The following ATF6 variants were observed in gnomAD, a reference collection of about 807,000 sequenced individuals.
The protein encoded by ATF6 is activating transcription factor 6.
A neutral mutation model predicts 83.6 loss-of-function variants in ATF6; 53 were observed. The observed-to-expected ratio is 0.63, with a 90% CI of 0.51 to 0.80. The LOEUF (loss-of-function observed/expected upper bound fraction) is 0.80, where lower values mean the gene tolerates loss of function less well. Among genes scored for constraint, ATF6 ranks in the 30% least tolerant of loss-of-function variants. The probability of loss-of-function intolerance (pLI) is 0.00; values close to 1 mark genes in which losing one functional copy is unlikely to be tolerated. For synonymous variants in ATF6, 288 were observed against 285.8 expected (o/e 1.01, Z -0.08); for missense variants, 744 against 797.9 (o/e 0.93, Z 0.81).
intron 7 of ATF6, among the ~76,000 whole-genome samples, chr1:161,812,625 C>T (rs1685502982): frequency 6.6e-6 from 1 of 151,824 alleles, no homozygotes; most frequent in African/African-American, 2.4e-5. Context: ...ATCTCCTGAC[C>T]TCGTGATCCA....
At chr1:161,884,926 C>T (rs1196587287) in intron 14 of ATF6, among the ~76,000 whole-genome samples, 1 of 152,018 alleles carries the variant, frequency 6.6e-6, no homozygotes, top group Non-Finnish European at 1.5e-5. Context: ...AGGAACTCAT[C>T]GTAAATATTT....
chr1:161,806,216 A>G (rs1023309781), intron 7 of ATF6, among the ~76,000 whole-genome samples: 2 of 152,222 alleles, frequency 1.3e-5, no homozygotes, highest in South Asian at 2.1e-4. Context: ...AGTTGACTTT[A>G]TAGGACAGCA....
chr1:161,859,266 T>A (rs549166804), intron 12 of ATF6, among the ~76,000 whole-genome samples: 1 of 152,322 alleles, frequency 6.6e-6, no homozygotes, highest in Non-Finnish European at 1.5e-5. Flanking sequence ...GCATATTGGT[T>A]CCATCCACCA....
At chr1:161,816,890 T>C (rs2101778860) in intron 7 of ATF6, among the ~76,000 whole-genome samples, 1 of 152,324 alleles carries the variant, frequency 6.6e-6, no homozygotes, top group African/African-American at 2.4e-5. Context: ...TATTGAATAA[T>C]TTAAATATTT....
chr1:161,868,015 G>A (rs1202841070), intron 14 of ATF6, among the ~76,000 whole-genome samples: 1 of 152,214 alleles, frequency 6.6e-6, no homozygotes, highest in Non-Finnish European at 1.5e-5. Flanking sequence ...TGAGATTAAA[G>A]AAGCACAGGA....
intron 10 of ATF6, 115 bp from the exon 11 acceptor site, chr1:161,851,607 C>A: frequency 1.6e-6 from 1 of 638,312 alleles, no homozygotes; most frequent in Non-Finnish European, 2.8e-6. Flanking sequence ...GCAGTATATT[C>A]TGTTTACTAT....
At chr1:161,857,851 A>C (rs1686797636) in intron 12 of ATF6, among the ~76,000 whole-genome samples, 1 of 152,160 alleles carries the variant, frequency 6.6e-6, no homozygotes, top group Admixed American at 6.5e-5. Context: ...CTCTTAATAA[A>C]ATTTTTATGT....
chr1:161,807,863 A>ATTTTTTTTTTTT lies in ATF6; in HGVS notation c.909+5592_909+5593insTTTTTTTTTTTT, dbSNP rs1557971141. On this transcript the variant is annotated intron_variant, in intron 7 of 15. Transcript: ENST00000367942. ...TACTTTTTGTACTTTTTAGTTTGTC[A>ATTTTTTTTTTTT]TCTTTTTTTTTTTTTTTTTTTTTTT... is the stretch of plus-strand genomic sequence containing the variant. 4.4e-4 allele frequency among the ~76,000 whole-genome samples: 24 copies of ATTTTTTTTTTTT among 54,774 alleles called. 3 individuals are homozygous for ATTTTTTTTTTTT. The highest frequency in any genetic ancestry group is 1.6e-3 in the African/African-American group (19 of 12,192). 35.9% of individuals were successfully genotyped at this position (54,774 alleles called of 152,430 possible).
intron 15 of ATF6, among the ~76,000 whole-genome samples, chr1:161,919,028 A>G (rs184319840): frequency 1.6e-4 from 24 of 152,320 alleles, no homozygotes; most frequent in Admixed American, 9.1e-4. Context: ...AGAGAGTAGG[A>G]TATGGGTGTG....
intron 15 of ATF6, among the ~76,000 whole-genome samples, chr1:161,956,592 G>A (rs948107959): frequency 1.3e-5 from 2 of 152,172 alleles, no homozygotes; most frequent in Non-Finnish European, 2.9e-5. Flanking sequence ...CCATAACAGC[G>A]GTCTTAAAGA....
chr1:161,859,097 T>C (rs143759788), intron 12 of ATF6, among the ~76,000 whole-genome samples: 56 of 152,342 alleles, frequency 3.7e-4, no homozygotes, highest in African/African-American at 1.2e-3. Context: ...ATTATTTAAC[T>C]GTGTTCTTCT....
chr1:161,877,672 T>C (rs1358159806), intron 14 of ATF6, among the ~76,000 whole-genome samples: 7 of 152,120 alleles, frequency 4.6e-5, no homozygotes, highest in Non-Finnish European at 1.0e-4. Context: ...ACGAATGATT[T>C]AGTTCGTAGA....
At chr1:161,893,719 A>G (rs1687609242) in intron 14 of ATF6, among the ~76,000 whole-genome samples, 1 of 152,216 alleles carries the variant, frequency 6.6e-6, no homozygotes, top group Admixed American at 6.5e-5. Flanking sequence ...ATACCATTTG[A>G]CAGGCTTTAA....
chr1:161,920,960 C>T (rs1013317952), intron 15 of ATF6, among the ~76,000 whole-genome samples: 7 of 151,408 alleles, frequency 4.6e-5, no homozygotes, highest in South Asian at 2.1e-4. Context: ...AATTTGGAGT[C>T]TTTTTAGTAA....
chr1:161,926,022 A>G (rs1002630681), intron 15 of ATF6, among the ~76,000 whole-genome samples: 1 of 152,194 alleles, frequency 6.6e-6, no homozygotes, highest in African/African-American at 2.4e-5. Flanking sequence ...CTTGTGTAGG[A>G]CATGATACAG....
intron 9 of ATF6, among the ~76,000 whole-genome samples, chr1:161,829,095 T>C (rs1685977887): frequency 6.6e-6 from 1 of 151,470 alleles, no homozygotes; most frequent in Admixed American, 6.6e-5. Flanking sequence ...ATCGTAAATA[T>C]ATATGCATCC....
intron 15 of ATF6, among the ~76,000 whole-genome samples, chr1:161,930,443 G>A (rs1023421817): frequency 1.3e-5 from 2 of 152,074 alleles, no homozygotes; most frequent in East Asian, 3.9e-4. Context: ...TAACATTTGA[G>A]TATTAAATTG....
Position 161,959,280 on chromosome 1 carries a change from C to G in ATF6, c.*626C>G, listed in dbSNP as rs1476032645. On this transcript the variant is annotated 3_prime_UTR_variant, in exon 16 of 16. Transcript: ENST00000367942. ...TTTACTTAGGATTTGTGGCTCACAC[C>G]TAAACAAAGGGGGTCAGGGAGTGGG... 6.6e-6 allele frequency: 1 copy of G among 152,120 alleles called. No individual in the cohort carries two copies. Among genetic ancestry groups the G allele is most frequent in the Non-Finnish European group, 1.5e-5 (1 of 68,042 alleles). The allele number at this position is 152,120 out of a possible 1,614,324, so 9.4% of individuals were successfully genotyped here. A position where few individuals can be genotyped will look rare whatever the true frequency, so the allele number is the denominator to read the frequency against.
rs1284795623 is a variant in ATF6 at position 161,962,050 on chromosome 1, A to G, written c.*3396A>G. On this transcript the variant is annotated 3_prime_UTR_variant, in exon 16 of 16. Transcript: ENST00000367942. Reference sequence around the variant, plus strand: ...CATGCTTGTAGTACAGAAACTTCACATGGAGTTTTGGGTGGGATTTGTGTT... The same window carrying G: ...CATGCTTGTAGTACAGAAACTTCACGTGGAGTTTTGGGTGGGATTTGTGTT... The G allele has an allele frequency of 6.6e-6, 1 of 152,192 alleles. No individual in the cohort carries two copies. The highest frequency in any genetic ancestry group is 1.5e-5 in the Non-Finnish European group (1 of 68,022). 9.4% of individuals were successfully genotyped at this position (152,192 alleles called of 1,614,324 possible).
Sources: allele counts gnomAD v4.1 joint callset (sites outside exome capture counted in the v4.1 genomes callset), GRCh38; gene constraint gnomAD v4.1.1; transcripts MANE v1.5; gene names NCBI Gene and HGNC (gene_info 2026-07-23, HGNC 2026-07-21).